CCDC178: variants seen among roughly 807,000 people sequenced by gnomAD.
The protein encoded by CCDC178 is coiled-coil domain containing 178.
A neutral mutation model predicts 117.4 loss-of-function variants in CCDC178; 126 were observed. That is an observed-to-expected ratio of 1.07 (90% confidence interval 0.93 to 1.24). The LOEUF is 1.24. CCDC178 is among the 50% of genes most tolerant of loss of function. The pLI is 0.00. For missense variants in CCDC178, 1,030 were observed against 986.9 expected (o/e 1.04, Z -0.59); for synonymous variants, 283 against 313.4 (o/e 0.90, Z 1.02).
chr18:33,387,639 G>T (rs949022397), intron 5 of CCDC178, among the ~76,000 whole-genome samples: 14 of 152,132 alleles, frequency 9.2e-5, no homozygotes, highest in African/African-American at 3.4e-4. Context: ...AAATGATGCT[G>T]GGAGAACTGG....
chr18:33,439,098 C>T (rs2064338132), intron 2 of CCDC178, among the ~76,000 whole-genome samples: 1 of 152,160 alleles, frequency 6.6e-6, no homozygotes, highest in South Asian at 2.1e-4. Flanking sequence ...TCGAGTGTTT[C>T]TAGATTTTCT....
intron 22 of CCDC178, among the ~76,000 whole-genome samples, chr18:32,947,129 G>A (rs1395846698): frequency 6.6e-6 from 1 of 152,022 alleles, no homozygotes; most frequent in Non-Finnish European, 1.5e-5. Flanking sequence ...ATAGCCGAGG[G>A]GACTTACAAA....
intron 21 of CCDC178, among the ~76,000 whole-genome samples, chr18:33,068,323 C>A (rs1320031372): frequency 6.6e-6 from 1 of 152,082 alleles, no homozygotes; most frequent in Non-Finnish European, 1.5e-5. Flanking sequence ...ATTCTATGAG[C>A]CCAGCATTAC....
chr18:33,121,504 A>G (rs955144720), intron 20 of CCDC178, among the ~76,000 whole-genome samples: 3 of 152,186 alleles, frequency 2.0e-5, no homozygotes, highest in African/African-American at 7.2e-5. Context: ...AGATATAGAC[A>G]TAGACATGGA....
chr18:33,256,393 C>A (rs957785170), intron 14 of CCDC178, among the ~76,000 whole-genome samples: 1 of 152,030 alleles, frequency 6.6e-6, no homozygotes, highest in Non-Finnish European at 1.5e-5. Flanking sequence ...CACAGATGGA[C>A]ACCTTAGTCT....
chr18:32,983,477 G>A, intron 21 of CCDC178: 2 of 563,428 alleles, frequency 3.5e-6, no homozygotes, highest in Non-Finnish European at 3.1e-6. Context: ...ATTCACATTT[G>A]ACAAAGAAGA....
chr18:33,245,188 T>C (rs2059533953), intron 15 of CCDC178, 57 bp downstream of exon 15: 2 of 1,375,334 alleles, frequency 1.5e-6, no homozygotes, highest in African/African-American at 3.0e-5. Flanking sequence ...ATCGATACAA[T>C]TCAGGTAAAT....
chr18:33,412,208 G>T, intron 2 of CCDC178, 98 bp from the exon 3 acceptor site: 1 of 480,604 alleles, frequency 2.1e-6, no homozygotes, highest in Non-Finnish European at 3.7e-6. Flanking sequence ...AGTGTAAAAT[G>T]TAAGGATGTA....
intron 20 of CCDC178, among the ~76,000 whole-genome samples, chr18:33,209,886 G>A (rs1484073538): frequency 6.6e-6 from 1 of 151,848 alleles, no homozygotes; most frequent in African/African-American, 2.4e-5. Flanking sequence ...ACTAGAGTAG[G>A]AAGTATCAGG....
intron 20 of CCDC178, among the ~76,000 whole-genome samples, chr18:33,132,227 G>C (rs1218473106): frequency 1.3e-5 from 2 of 151,432 alleles, no homozygotes; most frequent in African/African-American, 4.8e-5. Flanking sequence ...TCTCCAGGAA[G>C]ACAAATGAAA....
At chr18:33,041,378 A>G (rs2056546735) in intron 21 of CCDC178, among the ~76,000 whole-genome samples, 1 of 151,302 alleles carries the variant, frequency 6.6e-6, no homozygotes, top group African/African-American at 2.4e-5. Flanking sequence ...AAAGCAGACC[A>G]CCATAGATTA....
chr18:33,162,163 C>T (rs1432808715), intron 20 of CCDC178, among the ~76,000 whole-genome samples: 1 of 152,214 alleles, frequency 6.6e-6, no homozygotes, highest in East Asian at 1.9e-4. Context: ...AAGGGAACAT[C>T]ACACACCGGG....
chr18:33,081,136 T>C (rs1013838338), intron 21 of CCDC178, among the ~76,000 whole-genome samples: 10 of 152,158 alleles, frequency 6.6e-5, no homozygotes, highest in Admixed American at 3.9e-4. Context: ...AAGTACTCTA[T>C]AGGTTTCTTT....
intron 21 of CCDC178, among the ~76,000 whole-genome samples, chr18:33,023,737 A>C (rs1163300885): frequency 6.6e-6 from 1 of 152,154 alleles, no homozygotes; most frequent in Non-Finnish European, 1.5e-5. Context: ...GAAATCAATA[A>C]AATTGAACAT....
At chr18:33,154,678 G>A (rs1384476174) in intron 20 of CCDC178, among the ~76,000 whole-genome samples, 2 of 152,094 alleles carry the variant, frequency 1.3e-5, no homozygotes, top group South Asian at 2.1e-4. Flanking sequence ...TAAAGATACA[G>A]AGAGATAAAG....
chr18:33,440,505 C>CT (rs1288286459), intron 1 of CCDC178, 148 bp downstream of exon 1: 1 of 152,194 alleles, frequency 6.6e-6, no homozygotes, highest in Non-Finnish European at 1.5e-5. Context: ...CTAGTCGACT[C>CT]TAACTCCCTC....
chr18:33,273,105 A>G (rs962329230), intron 12 of CCDC178, among the ~76,000 whole-genome samples: 1 of 151,500 alleles, frequency 6.6e-6, no homozygotes, highest in African/African-American at 2.4e-5. Context: ...AGAAGTAAAC[A>G]TCTGTATTTG....
chr18:33,204,872 T>C (rs2059031157), intron 20 of CCDC178, among the ~76,000 whole-genome samples: 1 of 152,040 alleles, frequency 6.6e-6, no homozygotes, highest in Non-Finnish European at 1.5e-5. Context: ...GAAATTTACA[T>C]GGTAAAAACA....
intron 15 of CCDC178, among the ~76,000 whole-genome samples, chr18:33,237,222 A>T (rs1853621666): frequency 6.6e-6 from 1 of 152,140 alleles, no homozygotes; most frequent in Non-Finnish European, 1.5e-5. Context: ...AGCTGTGTGG[A>T]GCCTGGGTCA....
Sources: allele counts gnomAD v4.1 joint callset (sites outside exome capture counted in the v4.1 genomes callset), GRCh38; gene constraint gnomAD v4.1.1; transcripts MANE v1.5; gene names NCBI Gene and HGNC (gene_info 2026-07-23, HGNC 2026-07-21).